The following PGCKA1 variants were observed in gnomAD, a reference collection of about 807,000 sequenced individuals.
The protein encoded by PGCKA1 is PDCD10 and GCKIII kinases-associated protein 1.
the PGCKA1 span, among the ~76,000 whole-genome samples, chr4:37,537,377 T>A: frequency 6.6e-6 from 1 of 152,350 alleles, no homozygotes; most frequent in South Asian, 2.1e-4. Context: ...GCTGTCAATA[T>A]GTTAAAGTAG....
At chr4:37,550,902 G>T in the PGCKA1 span, among the ~76,000 whole-genome samples, 4 of 152,116 alleles carry the variant, frequency 2.6e-5, no homozygotes, top group South Asian at 4.2e-4. Flanking sequence ...CAATTTTTAG[G>T]TTCTAAAGGC....
chr4:37,523,918 G>T, the PGCKA1 span, among the ~76,000 whole-genome samples: 1 of 152,128 alleles, frequency 6.6e-6, no homozygotes, highest in South Asian at 2.1e-4. Flanking sequence ...TCCATCATGG[G>T]AACTTCACTG....
chr4:37,477,991 C>T, the PGCKA1 span, among the ~76,000 whole-genome samples: 2 of 152,114 alleles, frequency 1.3e-5, no homozygotes, highest in African/African-American at 4.8e-5. Flanking sequence ...AGTTCTTACA[C>T]CAAGTACATA....
the PGCKA1 span, among the ~76,000 whole-genome samples, chr4:37,570,033 A>G: frequency 7.9e-5 from 11 of 139,380 alleles, no homozygotes; most frequent in African/African-American, 1.1e-4. Context: ...CGGCTGGAGT[A>G]CAGTGGCGCC....
the PGCKA1 span, among the ~76,000 whole-genome samples, chr4:37,574,834 G>T: frequency 6.7e-6 from 1 of 149,892 alleles, no homozygotes; most frequent in Non-Finnish European, 1.5e-5. Context: ...TTAATTTTTG[G>T]CTCCCACAGA....
chr4:37,503,639 C>T, the PGCKA1 span, among the ~76,000 whole-genome samples: 6 of 152,312 alleles, frequency 3.9e-5, no homozygotes, highest in Middle Eastern at 0.014. Context: ...TTGATGAAAG[C>T]CATTCTAACT....
At chr4:37,569,919 A>C in the PGCKA1 span, among the ~76,000 whole-genome samples, 1 of 151,002 alleles carries the variant, frequency 6.6e-6, no homozygotes, top group Non-Finnish European at 1.5e-5. Context: ...CACACTGGCT[A>C]TTGAGAATGC....
chr4:37,495,871 G>GT, the PGCKA1 span, among the ~76,000 whole-genome samples: 3 of 151,918 alleles, frequency 2.0e-5, no homozygotes, highest in Admixed American at 2.0e-4. Context: ...AAAAAAAAAA[G>GT]TGTCTGTTCA....
the PGCKA1 span, among the ~76,000 whole-genome samples, chr4:37,487,060 G>A: frequency 2.6e-5 from 4 of 152,246 alleles, no homozygotes; most frequent in South Asian, 8.3e-4. Flanking sequence ...GATTGATGGT[G>A]GTTATTACTG....
At chr4:37,455,916 C>G in the PGCKA1 span, among the ~76,000 whole-genome samples, 1 of 152,212 alleles carries the variant, frequency 6.6e-6, no homozygotes, top group Non-Finnish European at 1.5e-5. Context: ...ACCAGCCTTC[C>G]AGTAGCTAGG....
the PGCKA1 span, among the ~76,000 whole-genome samples, chr4:37,557,338 T>A: frequency 2.0e-5 from 3 of 152,318 alleles, no homozygotes; most frequent in South Asian, 6.2e-4. Flanking sequence ...TCATGTAATG[T>A]TTATCAATAG....
chr4:37,590,368 G>A, the PGCKA1 span: 1 of 1,613,894 alleles, frequency 6.2e-7, no homozygotes, highest in East Asian at 2.2e-5. Context: ...CGGCCCTGCT[G>A]CCACTCCACA....
the PGCKA1 span, among the ~76,000 whole-genome samples, chr4:37,576,602 A>C: frequency 6.6e-6 from 1 of 152,020 alleles, no homozygotes; most frequent in Admixed American, 6.6e-5. Flanking sequence ...TCTAGCTAGG[A>C]CTTCTAGTAC....
chr4:37,538,525 A>G, the PGCKA1 span, among the ~76,000 whole-genome samples: 2 of 152,338 alleles, frequency 1.3e-5, no homozygotes, highest in Non-Finnish European at 2.9e-5. Context: ...GAGAGAGAAC[A>G]TGATGAACTT....
chr4:37,561,422 A>C, the PGCKA1 span, among the ~76,000 whole-genome samples: 1 of 152,256 alleles, frequency 6.6e-6, no homozygotes, highest in African/African-American at 2.4e-5. Flanking sequence ...ATGAGGTGGA[A>C]TAACAGGGTT....
the PGCKA1 span, among the ~76,000 whole-genome samples, chr4:37,527,702 C>T: frequency 2.6e-5 from 4 of 151,136 alleles, no homozygotes; most frequent in Admixed American, 1.3e-4. Flanking sequence ...TGGTGGCGGG[C>T]GCCTGTAGTC....
chr4:37,535,672 A>G, the PGCKA1 span, among the ~76,000 whole-genome samples: 2 of 152,288 alleles, frequency 1.3e-5, no homozygotes, highest in South Asian at 4.1e-4. Flanking sequence ...GAAAATCGCT[A>G]TTTCATGACC....
the PGCKA1 span, among the ~76,000 whole-genome samples, chr4:37,561,693 A>G: frequency 6.6e-6 from 1 of 152,230 alleles, no homozygotes; most frequent in Non-Finnish European, 1.5e-5. Context: ...TATGTTCTAT[A>G]AAGTCACTTC....
chr4:37,579,070 A>C, the PGCKA1 span, among the ~76,000 whole-genome samples: 1 of 152,214 alleles, frequency 6.6e-6, no homozygotes, highest in African/African-American at 2.4e-5. Context: ...AACATAAATA[A>C]ATAAATAACC....
Sources: gnomAD v4.1 joint callset for allele counts (sites outside exome capture counted in the v4.1 genomes callset) on GRCh38, gnomAD v4.1.1 for gene constraint, MANE v1.5 for transcripts, NCBI Gene and HGNC (gene_info 2026-07-23, HGNC 2026-07-21) for gene names.